Variants in FRMD4A observed in about 807,000 individuals in gnomAD.
The protein encoded by FRMD4A is FERM domain-containing protein 4A.
In FRMD4A, 29 loss-of-function variants were observed where a neutral mutation model predicts 129.1. The observed-to-expected ratio is 0.22, with a 90% CI of 0.17 to 0.31. The LOEUF (loss-of-function observed/expected upper bound fraction) is 0.31, where lower values mean the gene tolerates loss of function less well. Ranked by LOEUF, FRMD4A falls within the 10% of genes least tolerant of loss-of-function variation. The probability of loss-of-function intolerance (pLI) is 1.00; values close to 1 mark genes in which losing one functional copy is unlikely to be tolerated. For missense variants in FRMD4A, 1,272 were observed against 1,375.8 expected (o/e 0.92, Z 1.19); for synonymous variants, 634 against 571.6 (o/e 1.11, Z -1.56).
chr10:14,089,644 C>CA (rs72412046), intron 2 of FRMD4A, among the ~76,000 whole-genome samples: 3,226 of 131,866 alleles, frequency 0.024, 183 homozygotes, highest in East Asian at 0.23. Flanking sequence ...AAAAAACAAA[C>CA]AAAAAAAAAA....
intron 2 of FRMD4A, among the ~76,000 whole-genome samples, chr10:13,931,305 G>A (rs997443710): frequency 1.3e-5 from 2 of 152,150 alleles, no homozygotes; most frequent in Admixed American, 1.3e-4. Context: ...CAGCTCTAGG[G>A]CTGTTATGTA....
At chr10:14,324,703 T>G (rs567361219) in intron 2 of FRMD4A, among the ~76,000 whole-genome samples, 1 of 152,342 alleles carries the variant, frequency 6.6e-6, no homozygotes, top group East Asian at 1.9e-4. Flanking sequence ...TCACCCAAGC[T>G]GGAGTGCAGT....
intron 2 of FRMD4A, among the ~76,000 whole-genome samples, chr10:13,941,247 T>C (rs1232044326): frequency 6.6e-6 from 1 of 152,144 alleles, no homozygotes; most frequent in Admixed American, 6.5e-5. Flanking sequence ...TCTCACAAGA[T>C]CTGATGGTTT....
Position 13,832,018 on chromosome 10 carries a change from T to G in FRMD4A, c.112-21110A>C, listed in dbSNP as rs2093797458. ...TCCTCTGTCAGAGTGGAGGGAAAAA[T>G]CAAACAGAACAAAAGCAAAATGAAA... On this transcript the variant is annotated intron_variant, in intron 3 of 24. Transcript: ENST00000357447. Among the ~76,000 whole-genome samples the G allele has an allele frequency of 3.9e-5, 6 of 151,938 alleles. No homozygotes were observed. The South Asian group carries it at 1.0e-3, about 26-fold the overall frequency.
At chr10:14,306,505 G>A (rs770859579) in intron 2 of FRMD4A, among the ~76,000 whole-genome samples, 1 of 152,262 alleles carries the variant, frequency 6.6e-6, no homozygotes, top group African/African-American at 2.4e-5. Flanking sequence ...CTCGTTTCAA[G>A]GTTATAGACA....
chr10:13,723,291 AATT>A (rs1423744434), intron 12 of FRMD4A, among the ~76,000 whole-genome samples: 1 of 152,254 alleles, frequency 6.6e-6, no homozygotes, highest in East Asian at 1.9e-4. Context: ...ATCATGGAAT[AATT>A]ATTCACTAAT....
chr10:14,286,903 C>T (rs903826315), intron 2 of FRMD4A, among the ~76,000 whole-genome samples: 7 of 152,182 alleles, frequency 4.6e-5, no homozygotes, highest in African/African-American at 1.7e-4. Context: ...CTCGTTGCCC[C>T]TGCTGCTGAG....
At chr10:14,007,915 T>C (rs893143539) in intron 2 of FRMD4A, 3 of 965,170 alleles carry the variant, frequency 3.1e-6, no homozygotes, top group Non-Finnish European at 4.0e-6. Context: ...AAACTAAAAT[T>C]ACAGATGAGA....
intron 2 of FRMD4A, among the ~76,000 whole-genome samples, chr10:13,885,998 A>C (rs968869614): frequency 5.3e-5 from 8 of 152,148 alleles, no homozygotes; most frequent in African/African-American, 1.7e-4. Flanking sequence ...TGGGCAAGCC[A>C]GCGCTAGACT....
intron 2 of FRMD4A, among the ~76,000 whole-genome samples, chr10:13,914,722 C>A (rs1400580503): frequency 6.6e-6 from 1 of 152,130 alleles, no homozygotes; most frequent in Admixed American, 6.5e-5. Context: ...AAAACCCATA[C>A]AACCTGAATG....
At chr10:14,072,060 T>C (rs1203075736) in intron 2 of FRMD4A, among the ~76,000 whole-genome samples, 1 of 152,252 alleles carries the variant, frequency 6.6e-6, no homozygotes, top group East Asian at 1.9e-4. Flanking sequence ...TTGATTTATG[T>C]TAACAACTTC....
chr10:13,738,714 AG>A (rs1231087151), intron 11 of FRMD4A, among the ~76,000 whole-genome samples: 1 of 152,042 alleles, frequency 6.6e-6, no homozygotes, highest in African/African-American at 2.4e-5. Context: ...TCCGCCTCCC[AG>A]GTTCAAGGAA....
At position 13,821,076 on chromosome 10, in the gene FRMD4A, G is replaced by C. The variant is rs1006972573; in HGVS notation, c.112-10168C>G. On this transcript the variant is annotated intron_variant, in intron 3 of 24. Transcript: ENST00000357447. This position sits in a 1 kb window ranked among gnomAD's most constrained non-coding sequence, Gnocchi z 4.3. ...TGTGTCCCTCTCCATCCCCATGGGG[G>C]CTCTGAGCCCAGCAATGGCTCAGCG... Among the ~76,000 whole-genome samples the C allele has an allele frequency of 1.2e-4, 19 of 152,322 alleles. No homozygotes were observed. Among genetic ancestry groups the C allele is most frequent in the Middle Eastern group, 3.4e-3 (1 of 294 alleles).
At chr10:14,164,482 TG>T (rs1345037092) in intron 2 of FRMD4A, among the ~76,000 whole-genome samples, 1 of 152,208 alleles carries the variant, frequency 6.6e-6, no homozygotes, top group African/African-American at 2.4e-5. Context: ...AGGATTCGCA[TG>T]GTTAAAAATA....
At chr10:13,884,150 ACACT>A (rs1564970678) in intron 2 of FRMD4A, among the ~76,000 whole-genome samples, 6 of 20,940 alleles carry the variant, frequency 2.9e-4, no homozygotes, top group South Asian at 1.4e-3. Flanking sequence ...ACACTCTCAC[ACACT>A]CTCACACACA....
At chr10:14,108,387 T>C (rs1169433947) in intron 2 of FRMD4A, among the ~76,000 whole-genome samples, 1 of 152,242 alleles carries the variant, frequency 6.6e-6, no homozygotes, top group Admixed American at 6.5e-5. Flanking sequence ...CTGAAGGTTC[T>C]AGAAATCTCT....
chr10:14,300,880 C>A (rs1315053774), intron 2 of FRMD4A, among the ~76,000 whole-genome samples: 1 of 152,106 alleles, frequency 6.6e-6, no homozygotes, highest in Admixed American at 6.5e-5. Context: ...ATTTCTAGGA[C>A]CCCTGGAATA....
At chr10:13,707,297 G>T in intron 12 of FRMD4A, 184 bp from the exon 13 acceptor site, 1 of 984,054 alleles carries the variant, frequency 1.0e-6, no homozygotes, top group Non-Finnish European at 1.4e-6. Flanking sequence ...CAGCTCTCCA[G>T]TTCAAAACCA....
At chr10:14,069,637 T>A (rs887354357) in intron 2 of FRMD4A, among the ~76,000 whole-genome samples, 4 of 152,190 alleles carry the variant, frequency 2.6e-5, no homozygotes, top group African/African-American at 9.7e-5. Flanking sequence ...ATTTAAAATA[T>A]ATATTTTCTG....
Sources: allele counts gnomAD v4.1 joint callset (sites outside exome capture counted in the v4.1 genomes callset), GRCh38; gene constraint gnomAD v4.1.1; non-coding constraint Gnocchi (gnomAD v3.1); transcripts MANE v1.5; gene names NCBI Gene and HGNC (gene_info 2026-07-23, HGNC 2026-07-21).